ROR2: variants seen among roughly 807,000 people sequenced by gnomAD.
The protein encoded by ROR2 is tyrosine-protein kinase transmembrane receptor ROR2.
ROR2 carries 33 observed loss-of-function variants against 74.9 expected under a neutral mutation model. The ratio of observed to expected loss-of-function variants is 0.44; its 90% confidence interval spans 0.33 to 0.59. The LOEUF (loss-of-function observed/expected upper bound fraction) is 0.59. Among genes scored for constraint, ROR2 ranks in the 20% least tolerant of loss-of-function variants. The pLI, the probability that ROR2 is intolerant of heterozygous loss-of-function variation, is 0.02. For missense variants in ROR2, 1,216 were observed against 1,313.8 expected, an observed-to-expected ratio of 0.93 and a Z score of 1.15; for synonymous variants, 586 against 558.7, an observed-to-expected ratio of 1.05 and a Z score of -0.69.
rs1270442986 is a variant in ROR2, at chr9:91,770,251, G to GAT, written c.175+5489_175+5490insAT. ...CCTTGTGGGTATCTGGTAAACCTAA[G>GAT]CGTCACCTCTGTGTTCAATCTTTAT... is the stretch of plus-strand genomic sequence containing the variant. On this transcript the variant is annotated intron_variant, in intron 2 of 8. Coordinates refer to ENST00000375708, the MANE Select transcript of ROR2 (RefSeq NM_004560.4). Among the ~76,000 whole-genome samples, 4 of 152,308 alleles carry GAT rather than the reference G, an allele frequency of 2.6e-5. No individual in the cohort carries two copies. The East Asian group carries it at 7.7e-4, about 29-fold the overall frequency.
intron 5 of ROR2, among the ~76,000 whole-genome samples, 163 bp downstream of exon 5, chr9:91,737,228 T>C (rs112610313): frequency 3.9e-4 from 60 of 152,294 alleles, no homozygotes; most frequent in African/African-American, 1.3e-3. Context: ...ATGTTAGCAA[T>C]TGCCACTACT....
intron 1 of ROR2, among the ~76,000 whole-genome samples, chr9:91,844,228 G>T (rs939145314): frequency 1.3e-5 from 2 of 152,196 alleles, no homozygotes; most frequent in Non-Finnish European, 2.9e-5. Flanking sequence ...ACTGCTGCCT[G>T]GTGGCTAGAC....
intron 1 of ROR2, among the ~76,000 whole-genome samples, chr9:91,906,979 G>T (rs938413585): frequency 7.9e-5 from 12 of 152,074 alleles, no homozygotes; most frequent in Non-Finnish European, 1.8e-4. Context: ...TGTTGTGCAG[G>T]ATCACCACTC....
chr9:91,775,416 A>T (rs1176785618), intron 2 of ROR2, among the ~76,000 whole-genome samples: 4 of 151,966 alleles, frequency 2.6e-5, no homozygotes, highest in Non-Finnish European at 5.9e-5. Context: ...CTGCCCACTG[A>T]GACGTACACA....
At chr9:91,856,026 T>C (rs1829273824) in intron 1 of ROR2, among the ~76,000 whole-genome samples, 1 of 152,038 alleles carries the variant, frequency 6.6e-6, no homozygotes, top group South Asian at 2.1e-4. Flanking sequence ...TGTTGGGACT[T>C]CCCAACAAAA....
chr9:91,892,286 C>T (rs1830439994), intron 1 of ROR2, among the ~76,000 whole-genome samples: 1 of 152,202 alleles, frequency 6.6e-6, no homozygotes, highest in Admixed American at 6.5e-5. Flanking sequence ...AGTGCACCGG[C>T]AGGTGGGAAA....
intron 1 of ROR2, among the ~76,000 whole-genome samples, chr9:91,776,561 TA>T (rs1826425790): frequency 6.6e-6 from 1 of 152,192 alleles, no homozygotes; most frequent in Non-Finnish European, 1.5e-5. Flanking sequence ...CAACAATAGG[TA>T]AACCACATGG....
At chr9:91,766,708 C>T (rs1826068694) in intron 2 of ROR2, among the ~76,000 whole-genome samples, 1 of 152,198 alleles carries the variant, frequency 6.6e-6, no homozygotes, top group Admixed American at 6.5e-5. Context: ...CTCCAACTCA[C>T]AAAAACATTC....
In ROR2 at chr9:91,733,053, C is replaced by G; in HGVS notation, c.937+69G>C. 1.4e-6 allele frequency: 2 copies of G among 1,442,178 alleles called. No homozygotes were observed. Among genetic ancestry groups the G allele is most frequent in the South Asian group, 2.5e-5 (2 of 81,342 alleles). The allele number at this position is 1,442,178 out of a possible 1,614,324, so 89.3% of individuals were successfully genotyped here. The stretch of plus-strand genomic sequence containing the variant: ...GGCTCCCTGGGCTTCACCGACACCC[C>G]CATACACATTTCAAGGGCCCTACAC... On this transcript the variant is annotated intron_variant, in intron 6 of 8. Coordinates refer to ENST00000375708, the MANE Select transcript of ROR2 (RefSeq NM_004560.4). This position sits in a 1 kb window ranked among gnomAD's most constrained non-coding sequence, Gnocchi z 5.7.
At chr9:91,775,287 A>C (rs1245955573) in intron 2 of ROR2, among the ~76,000 whole-genome samples, 1 of 152,152 alleles carries the variant, frequency 6.6e-6, no homozygotes, top group Non-Finnish European at 1.5e-5. Flanking sequence ...GACCCTACAA[A>C]TCTATGGTGC....
intron 1 of ROR2, among the ~76,000 whole-genome samples, chr9:91,863,457 T>C (rs1393619993): frequency 1.3e-5 from 2 of 151,930 alleles, no homozygotes; most frequent in African/African-American, 2.4e-5. Context: ...CCACTGTCTA[T>C]AGATAGATAG....
chr9:91,874,217 G>C (rs985650063), intron 1 of ROR2, among the ~76,000 whole-genome samples: 1 of 152,204 alleles, frequency 6.6e-6, no homozygotes, highest in African/African-American at 2.4e-5. Flanking sequence ...CTGCTTCAGA[G>C]CAGGATTACC....
chr9:91,879,918 G>A (rs1164516280), intron 1 of ROR2, among the ~76,000 whole-genome samples: 1 of 151,906 alleles, frequency 6.6e-6, no homozygotes, highest in Non-Finnish European at 1.5e-5. Flanking sequence ...AAGATTCTCA[G>A]AAATGTTAAG....
At chr9:91,936,371 G>A (rs1417682153) in intron 1 of ROR2, among the ~76,000 whole-genome samples, 4 of 152,142 alleles carry the variant, frequency 2.6e-5, no homozygotes, top group Non-Finnish European at 4.4e-5. Context: ...GCCGAGTGTC[G>A]TCTGCCTGTG....
chr9:91,859,037 C>A (rs1003554282), intron 1 of ROR2, among the ~76,000 whole-genome samples: 1 of 152,064 alleles, frequency 6.6e-6, no homozygotes, highest in African/African-American at 2.4e-5. Context: ...AGGCCTAATG[C>A]AAAGGGCTCG....
At chr9:91,833,303 C>T (rs748319974) in intron 1 of ROR2, among the ~76,000 whole-genome samples, 2 of 152,182 alleles carry the variant, frequency 1.3e-5, no homozygotes, top group African/African-American at 4.8e-5. Flanking sequence ...CTGCTCTGCA[C>T]TTCTGCAACA....
intron 2 of ROR2, among the ~76,000 whole-genome samples, chr9:91,760,373 CCTGTAATCCCAGCACT>C (rs1480538903): frequency 6.6e-6 from 1 of 152,186 alleles, no homozygotes; most frequent in Admixed American, 6.5e-5. Flanking sequence ...GTGGCTCACG[CCTGTAATCCCAGCACT>C]CTGGGAGGCC....
rs121909082 is a variant in ROR2 at position 91,724,229 on chromosome 9, G to A, written c.2265C>T (p.Tyr755=). ...RLRAWGNLSN[Y]NSSAQTSGAS... Reference sequence around the variant, plus strand: ...CCCCCGAGGTCTGCGCCGAGCTGTTGTAGTTGGAAAGGTTGCCCCAGGCTC... The same window carrying A: ...CCCCCGAGGTCTGCGCCGAGCTGTTATAGTTGGAAAGGTTGCCCCAGGCTC... Residue 755 remains tyrosine (Y), a synonymous_variant, in exon 9 of 9, where the codon TAC becomes TAT. Transcript: ENST00000375708. 1.2e-6 allele frequency: 2 copies of A among 1,613,630 alleles called. No homozygotes were observed. The highest frequency in any genetic ancestry group is 1.7e-6 in the Non-Finnish European group (2 of 1,180,026).
At chr9:91,778,237 T>C (rs560985462) in intron 1 of ROR2, among the ~76,000 whole-genome samples, 2 of 152,342 alleles carry the variant, frequency 1.3e-5, no homozygotes, top group South Asian at 2.1e-4. Context: ...GATGTTGCAA[T>C]GGGTACACAT....
Sources: gnomAD v4.1 joint callset for allele counts (sites outside exome capture counted in the v4.1 genomes callset) on GRCh38, gnomAD v4.1.1 for gene constraint, Gnocchi (gnomAD v3.1) non-coding constraint, MANE v1.5 for transcripts, NCBI Gene and HGNC (gene_info 2026-07-23, HGNC 2026-07-21) for gene names.